The following FOCAD variants were observed in gnomAD, a reference collection of about 807,000 sequenced individuals.
FOCAD encodes focadhesin, also known as KIAA1797.
FOCAD carries 198 observed loss-of-function variants against 225.6 expected under a neutral mutation model. The ratio of observed to expected loss-of-function variants is 0.88; its 90% confidence interval spans 0.78 to 0.99. The LOEUF (loss-of-function observed/expected upper bound fraction) is 0.99, where lower values mean the gene tolerates loss of function less well. Ranked by LOEUF, FOCAD falls within the 50% of genes least tolerant of loss-of-function variation. The probability of loss-of-function intolerance (pLI) is 0.00; values close to 1 mark genes in which losing one functional copy is unlikely to be tolerated. For synonymous variants in FOCAD, 897 were observed against 755.0 expected (o/e 1.19, Z -3.08); for missense variants, 2,713 against 2,123.6 (o/e 1.28, Z -5.46).
At chr9:20,725,438 A>G (rs988900832) in intron 4 of FOCAD, among the ~76,000 whole-genome samples, 2 of 152,246 alleles carry the variant, frequency 1.3e-5, no homozygotes, top group South Asian at 2.1e-4. Context: ...AGAAAGAGAG[A>G]GGGGGGTGGA....
At chr9:20,727,142 G>T (rs1286993885) in intron 4 of FOCAD, among the ~76,000 whole-genome samples, 3 of 152,022 alleles carry the variant, frequency 2.0e-5, no homozygotes, top group Non-Finnish European at 4.4e-5. Context: ...AAGCTTATTA[G>T]CTTGTTTCTA....
chr9:20,914,344 G>A (rs1833699653), intron 23 of FOCAD, among the ~76,000 whole-genome samples: 2 of 148,544 alleles, frequency 1.3e-5, no homozygotes, highest in South Asian at 4.3e-4. Flanking sequence ...TTGAGTAGAT[G>A]GAAACCTGTA....
In FOCAD at chr9:20,986,283, T is replaced by TTTTTTTTTTTTTTTTTTTTTTTTTTTTTG; in HGVS notation, c.4729-5_4729-4insTTTTTTTTTTTTTTTTTTTTTTTTTTTTG. The TTTTTTTTTTTTTTTTTTTTTTTTTTTTTG allele has an allele frequency of 6.8e-7, 1 of 1,476,880 alleles. No homozygotes were observed. The allele number at this position is 1,476,880 out of a possible 1,614,324, so 91.5% of individuals were successfully genotyped here. ...ACTAAACAATTTTTTTTTTTTTTTT[T>TTTTTTTTTTTTTTTTTTTTTTTTTTTTTG]GCAGAGCAACATAGAAAAAGCTGCC... On this transcript the variant is annotated splice_polypyrimidine_tract_variant and splice_region_variant and intron_variant, in intron 39 of 43. Transcript: ENST00000338382.
At chr9:20,747,626 A>G (rs1453584913) in intron 5 of FOCAD, among the ~76,000 whole-genome samples, 1 of 152,120 alleles carries the variant, frequency 6.6e-6, no homozygotes, top group South Asian at 2.1e-4. Flanking sequence ...CCTGGAAAAC[A>G]CTACTATTTG....
chr9:20,947,662 C>T (rs1048597127), intron 30 of FOCAD, among the ~76,000 whole-genome samples: 22 of 151,704 alleles, frequency 1.5e-4, no homozygotes, highest in African/African-American at 5.3e-4. Flanking sequence ...TACATTAATA[C>T]AATTTAAAAA....
At chr9:20,957,233 T>C (rs1033059773) in intron 35 of FOCAD, among the ~76,000 whole-genome samples, 1 of 82,182 alleles carries the variant, frequency 1.2e-5, no homozygotes, top group African/African-American at 4.0e-5. Context: ...TCAGATAATT[T>C]CTGTACTTTT....
chr9:20,841,828 G>A (rs7874803), intron 15 of FOCAD, among the ~76,000 whole-genome samples: 81,166 of 151,208 alleles, frequency 0.54, 22,118 homozygotes, highest in East Asian at 0.67. Flanking sequence ...CTAGTTCTTT[G>A]ATGTGTGTCA....
At chr9:20,784,886 G>A (rs534203898) in intron 10 of FOCAD, among the ~76,000 whole-genome samples, 62 of 151,794 alleles carry the variant, frequency 4.1e-4, no homozygotes, top group South Asian at 2.1e-3. Context: ...GGGCCAACTC[G>A]TATTTCTTAC....
intron 15 of FOCAD, among the ~76,000 whole-genome samples, chr9:20,851,654 C>T (rs1394277569): frequency 6.6e-6 from 1 of 151,908 alleles, no homozygotes; most frequent in Non-Finnish European, 1.5e-5. Context: ...TCAGGCTCTA[C>T]TCTAGACCTA....
intron 16 of FOCAD, 149 bp downstream of exon 16, chr9:20,862,861 G>A (rs1828901447): frequency 1.5e-6 from 1 of 676,768 alleles, no homozygotes; most frequent in Non-Finnish European, 2.2e-6. Context: ...TTAGGAGTAA[G>A]ATAGCTCCTC....
chr9:20,985,428 A>T (rs996936198), intron 39 of FOCAD, among the ~76,000 whole-genome samples: 4 of 152,232 alleles, frequency 2.6e-5, no homozygotes, highest in African/African-American at 9.6e-5. Context: ...TTTCTCTTGA[A>T]AGCTCAAATT....
chr9:20,814,512 A>G (rs1823447790), intron 11 of FOCAD, among the ~76,000 whole-genome samples: 1 of 151,702 alleles, frequency 6.6e-6, no homozygotes, highest in Non-Finnish European at 1.5e-5. Context: ...TGTGCCACCA[A>G]TGCCCAGCTA....
chr9:20,704,814 T>G (rs941323463), intron 1 of FOCAD, among the ~76,000 whole-genome samples: 11 of 152,244 alleles, frequency 7.2e-5, no homozygotes, highest in African/African-American at 2.7e-4. Flanking sequence ...TATCCTCTAT[T>G]TCTACAAAAT....
At chr9:20,977,237 G>A (rs1840302441) in intron 36 of FOCAD, among the ~76,000 whole-genome samples, 2 of 152,112 alleles carry the variant, frequency 1.3e-5, no homozygotes, top group African/African-American at 4.8e-5. Flanking sequence ...TAATTAATAG[G>A]CTCACTTACA....
At chr9:20,789,960 A>G (rs1216041923) in intron 11 of FOCAD, among the ~76,000 whole-genome samples, 2 of 152,192 alleles carry the variant, frequency 1.3e-5, no homozygotes, top group African/African-American at 4.8e-5. Context: ...AATGTTGATC[A>G]TTTAAAGTGG....
At chr9:20,938,928 T>C (rs1836323215) in intron 28 of FOCAD, among the ~76,000 whole-genome samples, 1 of 149,740 alleles carries the variant, frequency 6.7e-6, no homozygotes, top group Non-Finnish European at 1.5e-5. Context: ...ATGATAAAGA[T>C]GGTACTTTTA....
rs371558997 is a variant in FOCAD, at chr9:20,940,108, G to A, written c.3408-4519G>A. 5.3e-5 allele frequency among the ~76,000 whole-genome samples: 8 copies of A among 152,072 alleles called. No individual in the cohort carries two copies. The East Asian group carries it at 1.2e-3, about 22-fold the overall frequency. ...TATTGAGAGAGAGACGGGTAGGCCT[G>A]GACTTCCTGTCCAGTTAGTGGACAC... On this transcript the variant is annotated intron_variant, in intron 28 of 43. Coordinates refer to ENST00000338382, the MANE Select transcript of FOCAD (RefSeq NM_001375567.1).
chr9:20,911,290 C>T (rs1287339448), intron 22 of FOCAD, among the ~76,000 whole-genome samples: 1 of 152,050 alleles, frequency 6.6e-6, no homozygotes, highest in Non-Finnish European at 1.5e-5. Context: ...AATACAGTGT[C>T]CGTTACATCT....
chr9:20,819,395 G>A lies in FOCAD; in HGVS notation c.1456-401G>A, dbSNP rs180792958. Among the ~76,000 whole-genome samples, 147 of 152,028 alleles carry A rather than the reference G, an allele frequency of 9.7e-4. 1 individual carries two copies. Among genetic ancestry groups the A allele is most frequent in the Middle Eastern group, 3.4e-3 (1 of 294 alleles). ...TGCCCAGTTAATTTAAAAGTTTTTT[G>A]TAGAGACAGGGTCTTCCTGTGTTGC... On this transcript the variant is annotated intron_variant, in intron 11 of 43. Coordinates refer to ENST00000338382, the MANE Select transcript of FOCAD (RefSeq NM_001375567.1).
Sources: allele counts gnomAD v4.1 joint callset (sites outside exome capture counted in the v4.1 genomes callset), GRCh38; gene constraint gnomAD v4.1.1; transcripts MANE v1.5; gene names NCBI Gene and HGNC (gene_info 2026-07-23, HGNC 2026-07-21).